Variants in LHFPL6 observed in about 807,000 individuals in gnomAD.
The protein encoded by LHFPL6 is LHFPL tetraspan subfamily member 6.
In LHFPL6, 9 loss-of-function variants were observed where a neutral mutation model predicts 20.6. The ratio of observed to expected loss-of-function variants is 0.44; its 90% CI spans 0.26 to 0.76. LHFPL6 has a LOEUF of 0.76. Among genes scored for constraint, LHFPL6 ranks in the 30% least tolerant of loss-of-function variants. The pLI, the probability that LHFPL6 is intolerant of heterozygous loss-of-function variation, is 0.20. For synonymous variants in LHFPL6, 105 were observed against 98.7 expected (o/e 1.06, Z -0.38); for missense variants, 218 against 253.5 (o/e 0.86, Z 0.95).
intron 3 of LHFPL6, among the ~76,000 whole-genome samples, chr13:39,349,162 G>C (rs894460031): frequency 1.3e-5 from 2 of 152,108 alleles, no homozygotes. Flanking sequence ...CTTCATTTAA[G>C]ACATGAAGGC....
chr13:39,445,858 T>C (rs766987717), intron 2 of LHFPL6, among the ~76,000 whole-genome samples: 1 of 152,164 alleles, frequency 6.6e-6, no homozygotes, highest in Non-Finnish European at 1.5e-5. Context: ...GGTTGCAAAG[T>C]ACCACAGAAG....
At chr13:39,475,651 C>T (rs370689131) in intron 2 of LHFPL6, among the ~76,000 whole-genome samples, 2 of 152,086 alleles carry the variant, frequency 1.3e-5, no homozygotes, top group Non-Finnish European at 2.9e-5. Context: ...CCAGACAGCA[C>T]CCACATTCTC....
At chr13:39,396,593 CA>C (rs1870847416) in intron 2 of LHFPL6, among the ~76,000 whole-genome samples, 1 of 151,970 alleles carries the variant, frequency 6.6e-6, no homozygotes, top group Admixed American at 6.6e-5. Flanking sequence ...CCCAGGAGTT[CA>C]AGACCGGCCC....
intron 2 of LHFPL6, among the ~76,000 whole-genome samples, chr13:39,553,818 T>C (rs1038520872): frequency 2.0e-5 from 3 of 152,170 alleles, no homozygotes; most frequent in African/African-American, 7.2e-5. Flanking sequence ...AAACAGATAG[T>C]GGAACATCAT....
intron 2 of LHFPL6, among the ~76,000 whole-genome samples, chr13:39,430,523 C>T (rs900008895): frequency 3.9e-5 from 6 of 152,168 alleles, no homozygotes; most frequent in African/African-American, 1.4e-4. Flanking sequence ...TTTCTGCTTC[C>T]TGGGAAAACT....
chr13:39,571,338 C>T (rs1055069606), intron 2 of LHFPL6, among the ~76,000 whole-genome samples: 1 of 152,196 alleles, frequency 6.6e-6, no homozygotes, highest in African/African-American at 2.4e-5. Context: ...TTACATATCC[C>T]TACCCTTTCC....
intron 2 of LHFPL6, among the ~76,000 whole-genome samples, chr13:39,550,200 T>C (rs1487832249): frequency 2.0e-5 from 3 of 152,116 alleles, no homozygotes; most frequent in African/African-American, 7.2e-5. Context: ...TTTATATGGC[T>C]TTCTGGAAAA....
intron 2 of LHFPL6, among the ~76,000 whole-genome samples, chr13:39,470,112 T>C (rs1872905702): frequency 6.6e-6 from 1 of 152,196 alleles, no homozygotes; most frequent in East Asian, 1.9e-4. Flanking sequence ...TATATATATA[T>C]AAGCCACAGA....
At chr13:39,357,075 G>A in intron 3 of LHFPL6, among the ~76,000 whole-genome samples, 1 of 152,268 alleles carries the variant, frequency 6.6e-6, no homozygotes, top group African/African-American at 2.4e-5. Context: ...GGGAGGCTGA[G>A]GTGACAGGAT....
At chr13:39,519,185 G>A (rs952596789) in intron 2 of LHFPL6, among the ~76,000 whole-genome samples, 9 of 151,924 alleles carry the variant, frequency 5.9e-5, no homozygotes, top group East Asian at 1.9e-4. Context: ...GCAATGGGCC[G>A]AGACCAGGCC....
chr13:39,500,631 A>T (rs898063812), intron 2 of LHFPL6, among the ~76,000 whole-genome samples: 2 of 152,192 alleles, frequency 1.3e-5, no homozygotes, highest in African/African-American at 4.8e-5. Flanking sequence ...CTGCTGATAG[A>T]TTAACAAGGA....
At chr13:39,430,795 A>C (rs530840206) in intron 2 of LHFPL6, among the ~76,000 whole-genome samples, 5 of 152,296 alleles carry the variant, frequency 3.3e-5, no homozygotes, top group Non-Finnish European at 7.4e-5. Context: ...CACTCTGTAA[A>C]AATGGACCAA....
chr13:39,526,113 T>C (rs1388946214), intron 2 of LHFPL6, among the ~76,000 whole-genome samples: 4 of 152,270 alleles, frequency 2.6e-5, no homozygotes, highest in East Asian at 1.9e-4. Context: ...TATCCCCAAA[T>C]AGATAGAAAC....
chr13:39,462,173 T>C (rs1188232417), intron 2 of LHFPL6, among the ~76,000 whole-genome samples: 7 of 152,132 alleles, frequency 4.6e-5, no homozygotes. Flanking sequence ...CCCTTTCTCT[T>C]ATTAGGTCTC....
intron 2 of LHFPL6, among the ~76,000 whole-genome samples, chr13:39,595,662 T>A (rs182376561): frequency 4.0e-5 from 6 of 151,892 alleles, no homozygotes; most frequent in Non-Finnish European, 7.4e-5. Context: ...TAGGCCTCCA[T>A]CTGAAGCTTG....
chr13:39,551,685 G>T (rs1871148614), intron 2 of LHFPL6, among the ~76,000 whole-genome samples: 1 of 152,162 alleles, frequency 6.6e-6, no homozygotes, highest in South Asian at 2.1e-4. Context: ...CACTAGAGAA[G>T]AATTGATTTT....
intron 2 of LHFPL6, among the ~76,000 whole-genome samples, chr13:39,486,327 G>A (rs1272545915): frequency 1.3e-5 from 2 of 152,176 alleles, no homozygotes; most frequent in Non-Finnish European, 2.9e-5. Flanking sequence ...AGAAGGGCTA[G>A]CTGCAGCAAG....
chr13:39,347,483 G>A (rs1869440984), intron 3 of LHFPL6, among the ~76,000 whole-genome samples: 2 of 152,168 alleles, frequency 1.3e-5, no homozygotes, highest in Admixed American at 1.3e-4. Context: ...AAATTTTGGA[G>A]AGAACTTCCC....
intron 2 of LHFPL6, among the ~76,000 whole-genome samples, chr13:39,409,459 C>CA (rs902553115): frequency 1.9e-4 from 29 of 151,034 alleles, no homozygotes; most frequent in South Asian, 4.2e-4. Flanking sequence ...ATCTCAAAAA[C>CA]AAAAAAAACA....
Sources: allele counts gnomAD v4.1 joint callset (sites outside exome capture counted in the v4.1 genomes callset), GRCh38; gene constraint gnomAD v4.1.1; transcripts MANE v1.5; gene names NCBI Gene and HGNC (gene_info 2026-07-23, HGNC 2026-07-21).